The following KLHL4 variants were observed in gnomAD, a reference collection of about 807,000 sequenced individuals.
KLHL4 encodes kelch-like protein 4.
Under a neutral mutation model 45.8 loss-of-function variants are expected in KLHL4, and 17 were observed. That is an observed-to-expected ratio of 0.37 (90% CI 0.25 to 0.56). The LOEUF is 0.56. KLHL4 is among the 20% of genes least tolerant of loss of function. KLHL4 has a pLI of 0.79. For synonymous variants in KLHL4, 224 were observed against 189.9 expected (o/e 1.18, Z -1.47); for missense variants, 544 against 544.9 (o/e 1.00, Z 0.02).
chrX:87,636,989 C>G (rs183776120), intron 9 of KLHL4, among the ~76,000 whole-genome samples: 1 of 111,737 alleles, frequency 8.9e-6, no homozygotes, highest in East Asian at 2.8e-4. Context: ...CCTATACAAA[C>G]GGAACTGATG....
At chrX:87,573,182 T>C (rs1215875425) in intron 1 of KLHL4, among the ~76,000 whole-genome samples, 3 of 111,329 alleles carry the variant, frequency 2.7e-5, no homozygotes, top group Non-Finnish European at 5.7e-5. Context: ...TCAGAACTAT[T>C]CAGAGGAGTT....
At chrX:87,612,686 G>A (rs754309253) in intron 1 of KLHL4, among the ~76,000 whole-genome samples, 1 of 111,832 alleles carries the variant, frequency 8.9e-6, no homozygotes, top group Admixed American at 9.5e-5. Context: ...CACAAATAGG[G>A]ATACATCATT....
intron 1 of KLHL4, among the ~76,000 whole-genome samples, chrX:87,613,121 A>C (rs1221332697): frequency 8.9e-6 from 1 of 111,766 alleles, no homozygotes; most frequent in African/African-American, 3.2e-5. Context: ...TCTAAAACTA[A>C]TCCTAACTGG....
At chrX:87,590,300 C>A (rs1385406762) in intron 1 of KLHL4, among the ~76,000 whole-genome samples, 1 of 109,271 alleles carries the variant, frequency 9.2e-6, no homozygotes, top group Non-Finnish European at 1.9e-5. Flanking sequence ...TAAAATCAGC[C>A]AAACCCCCCC....
At chrX:87,635,817 A>G in intron 9 of KLHL4, 42 bp downstream of exon 9, 1 of 994,026 alleles carries the variant, frequency 1.0e-6, no homozygotes, top group Non-Finnish European at 1.4e-6. Flanking sequence ...TTATTTGGTT[A>G]TTTAATTTTT....
chrX:87,632,859 G>A (rs1923142967), intron 7 of KLHL4, among the ~76,000 whole-genome samples: 1 of 110,995 alleles, frequency 9.0e-6, no homozygotes, highest in African/African-American at 3.3e-5. Context: ...TTTATACTAG[G>A]CTCCATATTT....
chrX:87,535,163 A>G (rs982805730), intron 1 of KLHL4, among the ~76,000 whole-genome samples: 1 of 111,811 alleles, frequency 8.9e-6, no homozygotes, highest in Non-Finnish European at 1.9e-5. Context: ...AATTGACCTT[A>G]TAATAATTGC....
intron 1 of KLHL4, among the ~76,000 whole-genome samples, chrX:87,531,021 C>A (rs926302721): frequency 8.9e-6 from 1 of 112,102 alleles, no homozygotes; most frequent in Admixed American, 9.5e-5. Flanking sequence ...CTGATGTCAG[C>A]GATGGTGAGC....
At chrX:87,598,426 A>T (rs1921906009) in intron 1 of KLHL4, among the ~76,000 whole-genome samples, 1 of 111,159 alleles carries the variant, frequency 9.0e-6, no homozygotes, top group Admixed American at 9.7e-5. Context: ...TAGAGATATA[A>T]ATATAGGATA....
intron 5 of KLHL4, among the ~76,000 whole-genome samples, chrX:87,624,543 C>T (rs147315161): frequency 0.021 from 2,325 of 111,524 alleles, 25 homozygotes; most frequent in Middle Eastern, 0.065. Flanking sequence ...GAAATTAACA[C>T]ATGAAGAGCA....
intron 9 of KLHL4, among the ~76,000 whole-genome samples, chrX:87,642,395 GTC>G (rs778431302): frequency 7.9e-4 from 88 of 111,777 alleles, no homozygotes; most frequent in Non-Finnish European, 1.3e-3. Context: ...TGAAAAAACA[GTC>G]TTCAGCCCCA....
At position 87,666,929 on chromosome X, in the gene KLHL4, G is replaced by A. The variant is rs999460898; in HGVS notation, c.*395G>A. ...CATTTTCAGTTTTTTTTTAAAAAAC[G>A]TACTCTTATTATCTGGAACATAGAA... On this transcript the variant is annotated 3_prime_UTR_variant, in exon 11 of 11. Transcript: ENST00000373119. 3.2e-5 allele frequency: 22 copies of A among 690,976 alleles called. No homozygotes were observed. In the East Asian group the frequency reaches 4.7e-4, roughly 15 times the overall value. 56.9% of individuals were successfully genotyped at this position (690,976 alleles called of 1,213,427 possible). A position where few individuals can be genotyped will look rare whatever the true frequency, so the allele number is the denominator to read the frequency against.
At chrX:87,584,678 TAAAA>T (rs963552464) in intron 1 of KLHL4, among the ~76,000 whole-genome samples, 1 of 103,111 alleles carries the variant, frequency 9.7e-6, no homozygotes, top group African/African-American at 3.5e-5. Flanking sequence ...AAAGACAAAA[TAAAA>T]AAAAAGAATA....
intron 1 of KLHL4, among the ~76,000 whole-genome samples, chrX:87,579,114 T>C (rs1455602153): frequency 9.0e-6 from 1 of 111,095 alleles, no homozygotes; most frequent in East Asian, 2.8e-4. Context: ...GGTACAGTAA[T>C]TGTAGTTTCT....
At chrX:87,662,801 G>A (rs1164462403) in intron 9 of KLHL4, among the ~76,000 whole-genome samples, 1 of 109,084 alleles carries the variant, frequency 9.2e-6, no homozygotes, top group Non-Finnish European at 1.9e-5. Context: ...GTGGTGGCGG[G>A]CGCCTGTAGT....
chrX:87,552,445 T>C (rs6617415), intron 1 of KLHL4, among the ~76,000 whole-genome samples: 27,703 of 110,322 alleles, frequency 0.25, 2,952 homozygotes, highest in East Asian at 0.51. Context: ...ATTTCTACAC[T>C]GCTGGTGGGA....
intron 1 of KLHL4, among the ~76,000 whole-genome samples, chrX:87,566,206 G>T (rs758126216): frequency 1.0e-3 from 114 of 111,303 alleles, no homozygotes; most frequent in Non-Finnish European, 1.8e-3. Flanking sequence ...AAAAATGGAA[G>T]AGCAGGGAAG....
chrX:87,669,420 A>G lies in KLHL4; in HGVS notation c.*2886A>G, dbSNP rs1157386587. 1 of 1,207,082 alleles carries G rather than the reference A, an allele frequency of 8.3e-7. No homozygotes were observed. Among genetic ancestry groups the G allele is most frequent in the Admixed American group, 2.2e-5 (1 of 45,556 alleles). ...ATTCAGATCCTTTCTCCACACAGCA[A>G]TGACATTTATCAATCTGACTCAGGT... On this transcript the variant is annotated 3_prime_UTR_variant, in exon 11 of 11. Transcript: ENST00000373119.
In KLHL4 at chrX:87,616,554, T is replaced by C. The variant is rs1430221844; in HGVS notation, c.728-1378T>C. 2.2e-4 allele frequency among the ~76,000 whole-genome samples: 25 copies of C among 111,695 alleles called. No individual in the cohort carries two copies. In the Admixed American group the frequency reaches 2.4e-3, roughly 11 times the overall value. ...ATTCAGCCAGCTGGCTTGACTATCC[T>C]TTTACTCTTTAATGAAGTGAAACTT... is the stretch of plus-strand genomic sequence containing the variant. On this transcript the variant is annotated intron_variant, in intron 3 of 10. Coordinates refer to ENST00000373119, the MANE Select transcript of KLHL4 (RefSeq NM_019117.5).
Sources: gnomAD v4.1 joint callset for allele counts (sites outside exome capture counted in the v4.1 genomes callset) on GRCh38, gnomAD v4.1.1 for gene constraint, MANE v1.5 for transcripts, NCBI Gene and HGNC (gene_info 2026-07-23, HGNC 2026-07-21) for gene names.